The following LHFPL2 variants were observed in gnomAD, a reference collection of about 807,000 sequenced individuals.
LHFPL2 encodes LHFPL tetraspan subfamily member 2 protein.
LHFPL2 carries 7 observed loss-of-function variants against 17.5 expected under a neutral mutation model. The ratio of observed to expected loss-of-function variants is 0.40; its 90% CI spans 0.23 to 0.75. The LOEUF (loss-of-function observed/expected upper bound fraction) is 0.75. Ranked by LOEUF, LHFPL2 falls within the 30% of genes least tolerant of loss-of-function variation. LHFPL2 has a pLI of 0.37. For synonymous variants in LHFPL2, 134 were observed against 116.2 expected (o/e 1.15, Z -0.99); for missense variants, 241 against 294.8 (o/e 0.82, Z 1.34).
At chr5:78,522,637 T>C (rs1257512315) in intron 3 of LHFPL2, among the ~76,000 whole-genome samples, 2 of 152,130 alleles carry the variant, frequency 1.3e-5, no homozygotes, top group Admixed American at 6.5e-5. Flanking sequence ...TCACAACCAA[T>C]TGTCCAAGGT....
intron 1 of LHFPL2, among the ~76,000 whole-genome samples, chr5:78,646,300 G>A (rs1361013804): frequency 6.6e-6 from 1 of 152,178 alleles, no homozygotes; most frequent in Non-Finnish European, 1.5e-5. Context: ...TCAACTCAGA[G>A]CCACTGACTC....
At chr5:78,510,769 G>A (rs913566433) in intron 3 of LHFPL2, among the ~76,000 whole-genome samples, 1 of 152,216 alleles carries the variant, frequency 6.6e-6, no homozygotes, top group African/African-American at 2.4e-5. Flanking sequence ...CCAGAGAGGA[G>A]GAGGCAAGAC....
chr5:78,496,083 A>G (rs1355325195), intron 4 of LHFPL2, among the ~76,000 whole-genome samples: 1 of 152,130 alleles, frequency 6.6e-6, no homozygotes, highest in East Asian at 1.9e-4. Context: ...CCCACCTCCA[A>G]CGTACATCCC....
chr5:78,594,692 G>C (rs917159170), intron 2 of LHFPL2, among the ~76,000 whole-genome samples: 1 of 152,130 alleles, frequency 6.6e-6, no homozygotes, highest in African/African-American at 2.4e-5. Flanking sequence ...CAAGACACAA[G>C]AAAGAGAAAA....
intron 1 of LHFPL2, among the ~76,000 whole-genome samples, chr5:78,640,027 C>T (rs1024418126): frequency 5.7e-4 from 87 of 152,024 alleles, no homozygotes; most frequent in African/African-American, 2.0e-3. Flanking sequence ...CCAGGTGCCC[C>T]GACAACACAG....
intron 3 of LHFPL2, among the ~76,000 whole-genome samples, chr5:78,551,988 G>A (rs1278485857): frequency 6.6e-6 from 1 of 152,080 alleles, no homozygotes; most frequent in Non-Finnish European, 1.5e-5. Context: ...ATATCTACAT[G>A]CCTGTTCATA....
intron 2 of LHFPL2, among the ~76,000 whole-genome samples, chr5:78,595,198 G>A (rs774750673): frequency 8.4e-4 from 128 of 152,224 alleles, no homozygotes; most frequent in Admixed American, 9.8e-4. Flanking sequence ...CTCCAGTCAG[G>A]ACGTGGGGAT....
chr5:78,521,320 A>G (rs576985782), intron 3 of LHFPL2, among the ~76,000 whole-genome samples: 55 of 152,382 alleles, frequency 3.6e-4, no homozygotes, highest in African/African-American at 1.3e-3. Context: ...GCAGATTTAC[A>G]TCTATCCAGG....
At chr5:78,529,618 G>T (rs1445931841) in intron 3 of LHFPL2, among the ~76,000 whole-genome samples, 1 of 151,022 alleles carries the variant, frequency 6.6e-6, no homozygotes, top group Non-Finnish European at 1.5e-5. Flanking sequence ...AGTCCGGCCT[G>T]GGCGACAGAG....
At chr5:78,549,931 A>G (rs1008497888) in intron 3 of LHFPL2, among the ~76,000 whole-genome samples, 1 of 152,210 alleles carries the variant, frequency 6.6e-6, no homozygotes, top group African/African-American at 2.4e-5. Flanking sequence ...AATCATCTTG[A>G]TCCTTGAAAA....
intron 4 of LHFPL2, among the ~76,000 whole-genome samples, chr5:78,503,262 C>T (rs1361878527): frequency 6.6e-6 from 1 of 152,218 alleles, no homozygotes; most frequent in African/African-American, 2.4e-5. Flanking sequence ...TCATCCATGG[C>T]TCTGTGATAA....
intron 3 of LHFPL2, among the ~76,000 whole-genome samples, chr5:78,553,747 C>T (rs1374948330): frequency 6.6e-6 from 1 of 152,200 alleles, no homozygotes; most frequent in East Asian, 1.9e-4. Flanking sequence ...ACTTGGCTGG[C>T]CACAGACTTC....
intron 4 of LHFPL2, 29 bp from the exon 5 acceptor site, chr5:78,489,182 A>C: frequency 1.2e-6 from 2 of 1,612,270 alleles, no homozygotes; most frequent in Non-Finnish European, 1.7e-6. Context: ...AACAGATTAG[A>C]AAATCCCCAT....
At chr5:78,570,160 T>A (rs1756958103) in intron 2 of LHFPL2, among the ~76,000 whole-genome samples, 1 of 152,300 alleles carries the variant, frequency 6.6e-6, no homozygotes, top group East Asian at 1.9e-4. Flanking sequence ...GCACTCAACA[T>A]AGGGCATGAC....
chr5:78,558,623 A>G (rs1756644330), intron 3 of LHFPL2, among the ~76,000 whole-genome samples: 1 of 152,182 alleles, frequency 6.6e-6, no homozygotes, highest in African/African-American at 2.4e-5. Flanking sequence ...TTACAGGTGC[A>G]TGTCTGTGCC....
chr5:78,524,213 G>A (rs1450642290), intron 3 of LHFPL2, among the ~76,000 whole-genome samples: 1 of 152,152 alleles, frequency 6.6e-6, no homozygotes, highest in East Asian at 1.9e-4. Flanking sequence ...TATGCTCCTC[G>A]GCCTCACAGC....
chr5:78,601,182 TGAAAGGA>T (rs1375333017), intron 2 of LHFPL2, among the ~76,000 whole-genome samples: 2 of 152,132 alleles, frequency 1.3e-5, no homozygotes, highest in African/African-American at 4.8e-5. Flanking sequence ...GGCCTAGTGA[TGAAAGGA>T]GAAATGAGGT....
intron 3 of LHFPL2, among the ~76,000 whole-genome samples, chr5:78,547,903 T>C (rs1756330136): frequency 1.3e-5 from 2 of 152,262 alleles, no homozygotes; most frequent in South Asian, 4.1e-4. Context: ...ACCAACAAAA[T>C]ATCCCAACCC....
chr5:78,545,373 T>C (rs1756240972), intron 3 of LHFPL2, among the ~76,000 whole-genome samples: 4 of 152,180 alleles, frequency 2.6e-5, no homozygotes, highest in Admixed American at 2.6e-4. Context: ...AAGCCTTCAA[T>C]GAAAACACTA....
Sources: allele counts gnomAD v4.1 joint callset (sites outside exome capture counted in the v4.1 genomes callset), GRCh38; gene constraint gnomAD v4.1.1; transcripts MANE v1.5; gene names NCBI Gene and HGNC (gene_info 2026-07-23, HGNC 2026-07-21).